The following PLEKHG3 variants were observed in gnomAD, a reference collection of about 807,000 sequenced individuals.
PLEKHG3 encodes pleckstrin homology domain-containing family G member 3.
PLEKHG3 carries 62 observed loss-of-function variants against 94.9 expected under a neutral mutation model. That is an observed-to-expected ratio of 0.65 (90% CI 0.53 to 0.81). The LOEUF (loss-of-function observed/expected upper bound fraction) is 0.81, where lower values mean the gene tolerates loss of function less well. Ranked by LOEUF, PLEKHG3 falls within the 30% of genes least tolerant of loss-of-function variation. The pLI is 0.00. For synonymous variants in PLEKHG3, 614 were observed against 654.0 expected, an observed-to-expected ratio of 0.94 and a Z score of 0.93; for missense variants, 1,461 against 1,619.3, an observed-to-expected ratio of 0.90 and a Z score of 1.68.
Position 64,749,219 on chromosome 14 carries a change from C to CCGGCGGGCGGCGGCGGGCGG in PLEKHG3, c.*5531_*5532insGGCGGCGGCGGGCGGCGGCG, listed in dbSNP as rs367706006. On this transcript the variant is annotated 3_prime_UTR_variant, in exon 17 of 17. Coordinates refer to ENST00000247226, the MANE Select transcript of PLEKHG3 (RefSeq NM_001308147.2). The surrounding 1 kb of genome is among the most constrained non-coding windows in gnomAD (Gnocchi z 4.7). ...CGCGACTCGACTCATCTCGATTCGA[C>CCGGCGGGCGGCGGCGGGCGG]CGGCGGGCGGCGGCGAGAGGAGGCC... 1 of 1,479,020 alleles carries CCGGCGGGCGGCGGCGGGCGG rather than the reference C, an allele frequency of 6.8e-7. No individual in the cohort carries two copies. Among genetic ancestry groups the CCGGCGGGCGGCGGCGGGCGG allele is most frequent in the African/African-American group, 1.4e-5 (1 of 71,292 alleles). The allele number at this position is 1,479,020 out of a possible 1,614,324, so 91.6% of individuals were successfully genotyped here. A position where few individuals can be genotyped will look rare whatever the true frequency, so the allele number is the denominator to read the frequency against.
At chr14:64,742,882 C>G (rs748251129) in intron 16 of PLEKHG3, 100 bp from the exon 17 acceptor site, 12 of 1,172,814 alleles carry the variant, frequency 1.0e-5, no homozygotes, top group Admixed American at 1.9e-5. Context: ...ACCCCAACAA[C>G]CAGCCTTGCC....
Position 64,731,588 on chromosome 14 carries a change from C to A in PLEKHG3, c.1032+45C>A, listed in dbSNP as rs2081466022. ...TCTCCTCTGCCATCTTCTCTCCTTC[C>A]CAAAGGATCTGGGCTCCCCTTCTTG... On this transcript the variant is annotated intron_variant, in intron 8 of 16. Coordinates refer to ENST00000247226, the MANE Select transcript of PLEKHG3 (RefSeq NM_001308147.2). This position sits in a 1 kb window ranked among gnomAD's most constrained non-coding sequence, Gnocchi z 6.1. The A allele has an allele frequency of 1.3e-6, 2 of 1,590,390 alleles. No individual in the cohort carries two copies.
rs1170437569 is a variant in PLEKHG3, at chr14:64,715,427, G to T, written c.-40+10723G>T. Among the ~76,000 whole-genome samples, 1 of 152,130 alleles carries T rather than the reference G, an allele frequency of 6.6e-6. No individual in the cohort carries two copies. ...TGTGAGGAGATTATATAGAGAATGT[G>T]TTTTGCCTTATGTCTGGTATACTCG... On this transcript the variant is annotated intron_variant, in intron 1 of 16. Coordinates refer to ENST00000247226, the MANE Select transcript of PLEKHG3 (RefSeq NM_001308147.2). This position sits in a 1 kb window ranked among gnomAD's most constrained non-coding sequence, Gnocchi z 4.4.
rs2081373540 is a variant in PLEKHG3 at position 64,727,446 on chromosome 14, A to G, written c.-39-147A>G. The G allele has an allele frequency of 3.1e-5, 18 of 582,682 alleles. No individual in the cohort carries two copies. The South Asian group carries it at 3.6e-4, about 12-fold the overall frequency. 36.1% of individuals were successfully genotyped at this position (582,682 alleles called of 1,614,324 possible). On this transcript the variant is annotated intron_variant, in intron 1 of 16. Coordinates refer to ENST00000247226, the MANE Select transcript of PLEKHG3 (RefSeq NM_001308147.2). The surrounding 1 kb of genome is among the most constrained non-coding windows in gnomAD (Gnocchi z 6.0). ...TGCAATGTCATCACTGTCTATCCAC[A>G]GAACCTTTTCATCTTCTAAAACTGA...
rs1338069730 is a variant in PLEKHG3 at position 64,730,336 on chromosome 14, T to G, written c.519+24T>G. ...GGGTAAGAAGGGCTGGGTCCTTGCC[T>G]CTGTCCTACCTTGCTGAGAGCTCAG... On this transcript the variant is annotated intron_variant, in intron 4 of 16. Transcript: ENST00000247226. This position sits in a 1 kb window ranked among gnomAD's most constrained non-coding sequence, Gnocchi z 5.4. 3.4e-6 allele frequency: 5 copies of G among 1,462,742 alleles called. No individual in the cohort carries two copies. Among genetic ancestry groups the G allele is most frequent in the Non-Finnish European group, 4.6e-6 (5 of 1,080,018 alleles). 90.6% of individuals were successfully genotyped at this position (1,462,742 alleles called of 1,614,324 possible).
At chr14:64,742,951 A>C (rs756749871) in intron 16 of PLEKHG3, 31 bp from the exon 17 acceptor site, 1 of 1,612,040 alleles carries the variant, frequency 6.2e-7, no homozygotes, top group African/African-American at 1.3e-5. Context: ...CTCCCGCCCC[A>C]TGCTTCAGGC....
chr14:64,742,301 G>A lies in PLEKHG3; in HGVS notation c.2784G>A (p.Gln928=), dbSNP rs55845128. The part of the protein sequence containing the change: ...VSERVKNKVY[Q]LARQYSLRIK... ...AGCGCGTCAAGAACAAGGTCTACCAGCTGGCCCGCCAGTACAGCCTCCGGA... is the reference window on the plus strand; with the variant it reads ...AGCGCGTCAAGAACAAGGTCTACCAACTGGCCCGCCAGTACAGCCTCCGGA... The change falls in exon 16 of 17, where the codon CAG becomes CAA. Residue 928 remains glutamine (Q), a synonymous_variant. Transcript: ENST00000247226. 3,040 of 1,612,776 alleles carry A rather than the reference G, an allele frequency of 1.9e-3. 47 individuals carry two copies. In the African/African-American group the frequency reaches 0.033, roughly 17 times the overall value.
intron 14 of PLEKHG3, chr14:64,737,844 G>A: frequency 8.6e-7 from 1 of 1,163,292 alleles, no homozygotes; most frequent in Non-Finnish European, 1.1e-6. Flanking sequence ...TCACGAGGGG[G>A]TCTTGTGCTC....
In PLEKHG3 at chr14:64,731,574, A is replaced by G. The variant is rs1230566559; in HGVS notation, c.1032+31A>G. ...CAGGCCCTGCCCCATCTCCTCTGCC[A>G]TCTTCTCTCCTTCCCAAAGGATCTG... On this transcript the variant is annotated intron_variant, in intron 8 of 16. Coordinates refer to ENST00000247226, the MANE Select transcript of PLEKHG3 (RefSeq NM_001308147.2). This position sits in a 1 kb window ranked among gnomAD's most constrained non-coding sequence, Gnocchi z 6.1. 2 of 1,604,688 alleles carry G rather than the reference A, an allele frequency of 1.2e-6. No individual in the cohort carries two copies. The highest frequency in any genetic ancestry group is 1.7e-6 in the Non-Finnish European group (2 of 1,172,010).
chr14:64,743,404 C>T lies in PLEKHG3; in HGVS notation c.3361C>T (p.Gln1121Ter). The T allele has an allele frequency of 1.9e-6, 3 of 1,610,162 alleles. No individual in the cohort carries two copies. The highest frequency in any genetic ancestry group is 2.5e-6 in the Non-Finnish European group (3 of 1,177,926). ...TGCCCAATCCCCTGGGCCTCTGCCC[C>T]AGAGCAAGCCGGATGGAGGCGAGAC... is the stretch of plus-strand genomic sequence containing the variant. ...EAAQSPGPLP[Q>*]SKPDGGETLY... Residue 1121 changes from glutamine to a stop codon, truncating the protein, a stop_gained, in exon 17 of 17, where the codon CAG (glutamine) becomes TAG (stop). Coordinates refer to ENST00000247226, the MANE Select transcript of PLEKHG3 (RefSeq NM_001308147.2). LOFTEE classifies it low-confidence loss of function (END_TRUNC). The surrounding 1 kb of genome is among the most constrained non-coding windows in gnomAD (Gnocchi z 7.2).
rs2081331329 is a variant in PLEKHG3, at chr14:64,725,320, T to C, written c.-39-2273T>C. On this transcript the variant is annotated intron_variant, in intron 1 of 16. Transcript: ENST00000247226. The surrounding 1 kb of genome is among the most constrained non-coding windows in gnomAD (Gnocchi z 5.0). ...CCCAGAGAAGCTGACTGACCCCAGA[T>C]GTGATCTGGGAAAGGTCTTAGGCTG... 6.7e-6 allele frequency among the ~76,000 whole-genome samples: 1 copy of C among 149,764 alleles called. No homozygotes were observed. Among genetic ancestry groups the C allele is most frequent in the Non-Finnish European group, 1.5e-5 (1 of 67,672 alleles).
intron 1 of PLEKHG3, among the ~76,000 whole-genome samples, chr14:64,708,435 AG>A (rs2081009359): frequency 6.6e-6 from 1 of 151,958 alleles, no homozygotes; most frequent in African/African-American, 2.4e-5. Context: ...AAAGTGAGGG[AG>A]GGGGCAGATG....
Position 64,722,278 on chromosome 14 carries a change from G to A in PLEKHG3, c.-39-5315G>A, listed in dbSNP as rs777610740. The stretch of plus-strand genomic sequence containing the variant: ...TGCCTAGGCTGGAGTGCAGTGGTGC[G>A]ATCTCAGCTCACTGCAACCTCCTGG... On this transcript the variant is annotated intron_variant, in intron 1 of 16. Coordinates refer to ENST00000247226, the MANE Select transcript of PLEKHG3 (RefSeq NM_001308147.2). This position sits in a 1 kb window ranked among gnomAD's most constrained non-coding sequence, Gnocchi z 4.3. 1.3e-5 allele frequency among the ~76,000 whole-genome samples: 2 copies of A among 152,090 alleles called. No individual in the cohort carries two copies. Among genetic ancestry groups the A allele is most frequent in the Admixed American group, 6.6e-5 (1 of 15,264 alleles).
chr14:64,732,276 G>A lies in PLEKHG3; in HGVS notation c.1212+95G>A, dbSNP rs183644973. On this transcript the variant is annotated intron_variant, in intron 10 of 16. Transcript: ENST00000247226. The surrounding 1 kb of genome is among the most constrained non-coding windows in gnomAD (Gnocchi z 4.9). ...TTGGGGGCTCACCTTCTGGATTTGG[G>A]CTCCAGTGGACAGTGAGTGTCAGTA... is the stretch of plus-strand genomic sequence containing the variant. The A allele has an allele frequency of 3.8e-6, 5 of 1,300,562 alleles. No homozygotes were observed. In the East Asian group the frequency reaches 9.2e-5, roughly 24 times the overall value. The allele number at this position is 1,300,562 out of a possible 1,614,324, so 80.6% of individuals were successfully genotyped here.
rs1478957811 is a variant in PLEKHG3, at chr14:64,716,459, C to CA, written c.-39-11133dup. Among the ~76,000 whole-genome samples, 2 of 121,356 alleles carry CA rather than the reference C, an allele frequency of 1.6e-5. No homozygotes were observed. Among genetic ancestry groups the CA allele is most frequent in the Non-Finnish European group, 3.6e-5 (2 of 55,496 alleles). 79.6% of individuals were successfully genotyped at this position (121,356 alleles called of 152,430 possible). On this transcript the variant is annotated intron_variant, in intron 1 of 16. Coordinates refer to ENST00000247226, the MANE Select transcript of PLEKHG3 (RefSeq NM_001308147.2). The surrounding 1 kb of genome is among the most constrained non-coding windows in gnomAD (Gnocchi z 5.0). ...CTACACACACACACACACACACACA[C>CA]ACACACAACACACACACACACAACA...
chr14:64,712,254 G>A (rs1444348824), intron 1 of PLEKHG3, among the ~76,000 whole-genome samples: 3 of 152,046 alleles, frequency 2.0e-5, no homozygotes, highest in Admixed American at 6.5e-5. Flanking sequence ...TTGAAATCAG[G>A]TTGTATCAGC....
At position 64,739,658 on chromosome 14, in the gene PLEKHG3, CTGG is replaced by C. The variant is rs2081645619; in HGVS notation, c.1518+804_1518+806del. Among the ~76,000 whole-genome samples the C allele has an allele frequency of 6.6e-6, 1 of 152,224 alleles. No homozygotes were observed. The highest frequency in any genetic ancestry group is 2.4e-5 in the African/African-American group (1 of 41,446). On this transcript the variant is annotated intron_variant, in intron 15 of 16. Transcript: ENST00000247226. The surrounding 1 kb of genome is among the most constrained non-coding windows in gnomAD (Gnocchi z 4.1). ...TAGTTATTGCTCACAGTTTTGGAGG[CTGG>C]AAATTCTAAGGTCAAGATGCCAGCA...
rs374987424 is a variant in PLEKHG3, at chr14:64,732,875, A to G, written c.1319A>G (p.Asn440Ser). The G allele has an allele frequency of 3.7e-6, 6 of 1,609,612 alleles. No individual in the cohort carries two copies. The African/African-American group carries it at 4.0e-5, about 11-fold the overall frequency. The change falls in exon 12 of 17, where the codon AAT (asparagine) becomes AGT (serine). Residue 440 changes from asparagine (N) to serine (S), a missense_variant. Transcript: ENST00000247226. The surrounding 1 kb of genome is among the most constrained non-coding windows in gnomAD (Gnocchi z 4.9). ...AWSSQDEVST[N>S]VRQGRRQSEP... ...TCCTCCCAGGATGAGGTGTCCACCA[A>G]TGTGCGCCAGGGGCGCCGGCAATCT...
chr14:64,704,566 G>C lies in PLEKHG3; in HGVS notation c.-178G>C, dbSNP rs953886200. ...GCTGGCCGAGTCCGGGCCAGCTGAGGGGCTGGCGGTGGGCGGGAGCGGTCG... is the reference window on the plus strand; with the variant it reads ...GCTGGCCGAGTCCGGGCCAGCTGAGCGGCTGGCGGTGGGCGGGAGCGGTCG... On this transcript the variant is annotated 5_prime_UTR_variant, in exon 1 of 17. Coordinates refer to ENST00000247226, the MANE Select transcript of PLEKHG3 (RefSeq NM_001308147.2). This position sits in a 1 kb window ranked among gnomAD's most constrained non-coding sequence, Gnocchi z 5.6. The C allele has an allele frequency of 6.5e-6, 1 of 153,190 alleles. No homozygotes were observed. Among genetic ancestry groups the C allele is most frequent in the Non-Finnish European group, 1.5e-5 (1 of 68,552 alleles). 9.5% of individuals were successfully genotyped at this position (153,190 alleles called of 1,614,324 possible).
Sources: gnomAD v4.1 joint callset for allele counts (sites outside exome capture counted in the v4.1 genomes callset) on GRCh38, gnomAD v4.1.1 for gene constraint, Gnocchi (gnomAD v3.1) non-coding constraint, MANE v1.5 for transcripts, NCBI Gene and HGNC (gene_info 2026-07-23, HGNC 2026-07-21) for gene names.